Variants in PPARGC1A observed in about 807,000 individuals in gnomAD.
The protein encoded by PPARGC1A is peroxisome proliferator-activated receptor gamma coactivator 1-alpha.
Under a neutral mutation model 88.7 loss-of-function variants are expected in PPARGC1A, and 25 were observed. That is an observed-to-expected ratio of 0.28 (90% CI 0.21 to 0.39). PPARGC1A has a LOEUF of 0.39. PPARGC1A is among the 10% of genes least tolerant of loss of function. The pLI, the probability that PPARGC1A is intolerant of heterozygous loss-of-function variation, is 1.00. For synonymous variants in PPARGC1A, 363 were observed against 355.6 expected, an observed-to-expected ratio of 1.02 and a Z score of -0.24; for missense variants, 880 against 968.7, an observed-to-expected ratio of 0.91 and a Z score of 1.22.
the PPARGC1A span, among the ~76,000 whole-genome samples, chr4:24,268,023 T>C: frequency 6.6e-6 from 1 of 152,316 alleles, no homozygotes; most frequent in East Asian, 1.9e-4. Flanking sequence ...TAAAAGGACT[T>C]ATTCATACAT....
the PPARGC1A span, among the ~76,000 whole-genome samples, chr4:23,956,997 T>C: frequency 6.6e-6 from 1 of 152,024 alleles, no homozygotes; most frequent in East Asian, 1.9e-4. Flanking sequence ...CAAGTTACAG[T>C]GCTCGTAACT....
chr4:24,031,646 G>A, the PPARGC1A span, among the ~76,000 whole-genome samples: 3 of 152,038 alleles, frequency 2.0e-5, no homozygotes, highest in Non-Finnish European at 4.4e-5. Context: ...CACATTGTTC[G>A]ATGTTTAACA....
the PPARGC1A span, among the ~76,000 whole-genome samples, chr4:24,433,749 A>G: frequency 6.6e-6 from 1 of 152,022 alleles, no homozygotes; most frequent in Admixed American, 6.6e-5. Flanking sequence ...GGCCCCCTAT[A>G]CTTTTTAAAT....
chr4:23,981,560 C>A, the PPARGC1A span, among the ~76,000 whole-genome samples: 4 of 151,996 alleles, frequency 2.6e-5, no homozygotes, highest in African/African-American at 9.7e-5. Context: ...CATCACTGAC[C>A]AAAGAGAAGG....
chr4:24,301,365 G>C, the PPARGC1A span, among the ~76,000 whole-genome samples: 1 of 152,016 alleles, frequency 6.6e-6, no homozygotes, highest in African/African-American at 2.4e-5. Context: ...CACCAGTAGT[G>C]ATTTACAGCC....
upstream of PPARGC1A, among the ~76,000 whole-genome samples, chr4:23,893,202 TA>T (rs988745280): frequency 2.6e-5 from 4 of 151,802 alleles, no homozygotes; most frequent in Admixed American, 6.6e-5. Flanking sequence ...CTCAAGAGAA[TA>T]ATTCAATTCT....
chr4:24,290,359 A>AT, the PPARGC1A span, among the ~76,000 whole-genome samples: 1 of 152,016 alleles, frequency 6.6e-6, no homozygotes, highest in Non-Finnish European at 1.5e-5. Flanking sequence ...AGTCTTTTAT[A>AT]TTTTTTATAC....
chr4:24,137,709 T>A, the PPARGC1A span, among the ~76,000 whole-genome samples: 3 of 151,910 alleles, frequency 2.0e-5, no homozygotes, highest in African/African-American at 7.3e-5. Flanking sequence ...CTAGATGACA[T>A]TCCTGGCTTC....
At chr4:24,229,716 A>G in the PPARGC1A span, among the ~76,000 whole-genome samples, 1 of 151,902 alleles carries the variant, frequency 6.6e-6, no homozygotes, top group East Asian at 2.0e-4. Context: ...ATAGTGGCAC[A>G]TGCCTGTAAT....
At chr4:24,009,511 T>C in the PPARGC1A span, among the ~76,000 whole-genome samples, 1 of 152,244 alleles carries the variant, frequency 6.6e-6, no homozygotes, top group Admixed American at 6.5e-5. Context: ...TGACAGGCAG[T>C]GAGAAGCTGC....
At chr4:24,379,761 T>A in the PPARGC1A span, among the ~76,000 whole-genome samples, 1 of 151,252 alleles carries the variant, frequency 6.6e-6, no homozygotes, top group South Asian at 2.1e-4. Flanking sequence ...TTTCTTTCTT[T>A]GAACTTTATT....
the PPARGC1A span, among the ~76,000 whole-genome samples, chr4:24,466,118 A>G: frequency 6.6e-6 from 1 of 152,216 alleles, no homozygotes. Flanking sequence ...CTCAGGCTAG[A>G]TCTACCATTC....
intron 9 of PPARGC1A, 60 bp downstream of exon 9, chr4:23,812,961 C>T (rs2109452285): frequency 6.2e-7 from 1 of 1,611,420 alleles, no homozygotes; most frequent in Non-Finnish European, 8.5e-7. Flanking sequence ...TTTTGGAGAA[C>T]ATCTTGTCAT....
chr4:23,802,676 CAAAAA>C (rs397823520), intron 10 of PPARGC1A, among the ~76,000 whole-genome samples: 44 of 26,128 alleles, frequency 1.7e-3, no homozygotes, highest in Middle Eastern at 0.019. Flanking sequence ...GACTCCATCT[CAAAAA>C]AAAAAAAAAA....
chr4:24,073,550 C>G, the PPARGC1A span, among the ~76,000 whole-genome samples: 22 of 152,238 alleles, frequency 1.4e-4, no homozygotes, highest in Non-Finnish European at 2.5e-4. Flanking sequence ...AACAAGCCAA[C>G]AACATGAGAA....
intron 2 of PPARGC1A, among the ~76,000 whole-genome samples, chr4:23,845,003 G>A (rs941603292): frequency 1.2e-4 from 18 of 150,714 alleles, no homozygotes; most frequent in East Asian, 1.9e-4. Flanking sequence ...AAGGCCCTGA[G>A]GGGGAACTTG....
chr4:23,979,058 C>T, the PPARGC1A span, among the ~76,000 whole-genome samples: 1 of 152,142 alleles, frequency 6.6e-6, no homozygotes, highest in Non-Finnish European at 1.5e-5. Flanking sequence ...GCACGTTTTA[C>T]TACACTTAGC....
intron 7 of PPARGC1A, chr4:23,820,588 T>C (rs577755887): frequency 4.7e-6 from 2 of 427,818 alleles, no homozygotes; most frequent in African/African-American, 4.1e-5. Flanking sequence ...TTCTCTTTTC[T>C]CTCATCTTGC....
At chr4:24,420,552 G>A in the PPARGC1A span, among the ~76,000 whole-genome samples, 6 of 151,962 alleles carry the variant, frequency 3.9e-5, no homozygotes, top group African/African-American at 1.2e-4. Flanking sequence ...CCACACTCCC[G>A]GCTGGGATTC....
Sources: allele counts gnomAD v4.1 joint callset (sites outside exome capture counted in the v4.1 genomes callset), GRCh38; gene constraint gnomAD v4.1.1; transcripts MANE v1.5; gene names NCBI Gene and HGNC (gene_info 2026-07-23, HGNC 2026-07-21).